The following HACD2 variants were observed in gnomAD, a reference collection of about 807,000 sequenced individuals.
The protein encoded by HACD2 is very-long-chain (3R)-3-hydroxyacyl-CoA dehydratase 2.
Under a neutral mutation model 31.0 loss-of-function variants are expected in HACD2, and 15 were observed. The observed-to-expected ratio is 0.48, with a 90% CI of 0.32 to 0.75. The LOEUF is 0.75. Ranked by LOEUF, HACD2 falls within the 30% of genes least tolerant of loss-of-function variation. The pLI is 0.03. For missense variants in HACD2, 283 were observed against 313.0 expected (o/e 0.90, Z 0.72); for synonymous variants, 115 against 122.2 (o/e 0.94, Z 0.39).
chr3:123,545,133 C>T (rs1279620527), intron 3 of HACD2, among the ~76,000 whole-genome samples: 1 of 141,058 alleles, frequency 7.1e-6, no homozygotes, highest in East Asian at 2.0e-4. Flanking sequence ...TACTTTGGTA[C>T]TAGCTGTTTT....
At chr3:123,576,377 T>C (rs532868727) in intron 2 of HACD2, among the ~76,000 whole-genome samples, 2 of 152,316 alleles carry the variant, frequency 1.3e-5, no homozygotes, top group Admixed American at 6.5e-5. Flanking sequence ...GGTGGGTTCC[T>C]GTTTCCTTCC....
intron 3 of HACD2, among the ~76,000 whole-genome samples, chr3:123,542,146 C>A (rs1233037681): frequency 3.3e-3 from 135 of 41,086 alleles, no homozygotes; most frequent in African/African-American, 0.016. Context: ...GACTCCGTCT[C>A]AAAAAAAAAA....
Position 123,493,006 on chromosome 3 carries a change from C to T in HACD2, c.*1882G>A, listed in dbSNP as rs190393832. On this transcript the variant is annotated 3_prime_UTR_variant, in exon 7 of 7. Transcript: ENST00000383657. The stretch of plus-strand genomic sequence containing the variant: ...TGTTCAATTCAAAAATAATTTATTA[C>T]ACACCTGCCTGCATTAAATTTTCAA... 14 of 152,328 alleles carry T rather than the reference C, an allele frequency of 9.2e-5. No individual in the cohort carries two copies. In the East Asian group the frequency reaches 1.9e-3, roughly 21 times the overall value. 9.4% of individuals were successfully genotyped at this position (152,328 alleles called of 1,614,324 possible).
intron 6 of HACD2, among the ~76,000 whole-genome samples, chr3:123,499,963 T>C (rs781186571): frequency 2.3e-4 from 35 of 152,170 alleles, no homozygotes; most frequent in Non-Finnish European, 3.8e-4. Flanking sequence ...ATTAAAATAA[T>C]TGGAAACCAT....
intron 2 of HACD2, among the ~76,000 whole-genome samples, chr3:123,572,311 G>A (rs1576240611): frequency 6.6e-6 from 1 of 152,124 alleles, no homozygotes; most frequent in Non-Finnish European, 1.5e-5. Flanking sequence ...TTCAAGACCA[G>A]CCTGCGCAAC....
At chr3:123,503,697 T>C (rs2055936153) in intron 4 of HACD2, among the ~76,000 whole-genome samples, 2 of 140,756 alleles carry the variant, frequency 1.4e-5, no homozygotes, top group Admixed American at 1.5e-4. Flanking sequence ...TTTATATTAG[T>C]TTCCATGCAT....
At chr3:123,548,151 C>T (rs1310147971) in intron 3 of HACD2, among the ~76,000 whole-genome samples, 1 of 152,064 alleles carries the variant, frequency 6.6e-6, no homozygotes, top group Non-Finnish European at 1.5e-5. Flanking sequence ...GAGCCTAATT[C>T]TCTGCTAGGG....
At chr3:123,549,299 G>A (rs1038484761) in intron 3 of HACD2, among the ~76,000 whole-genome samples, 4 of 151,994 alleles carry the variant, frequency 2.6e-5, no homozygotes, top group Admixed American at 6.6e-5. Flanking sequence ...CTGAGCAGCC[G>A]TCATTAACAG....
At chr3:123,555,937 G>A (rs766390656) in intron 3 of HACD2, among the ~76,000 whole-genome samples, 5 of 152,264 alleles carry the variant, frequency 3.3e-5, no homozygotes, top group Non-Finnish European at 5.9e-5. Flanking sequence ...TAAAGACAAC[G>A]CAATGGAGAA....
rs558406885 is a variant in HACD2 at position 123,560,984 on chromosome 3, G to A, written c.292+6778C>T. Among the ~76,000 whole-genome samples, 13 of 152,246 alleles carry A rather than the reference G, an allele frequency of 8.5e-5. No homozygotes were observed. In the South Asian group the frequency reaches 2.7e-3, roughly 32 times the overall value. Reference sequence around the variant, plus strand: ...CAGAGTTCTCTTCTGCTAAAATTTGGTGGGTTCTGTGTCTGGTTTTAAAAA... The same window carrying A: ...CAGAGTTCTCTTCTGCTAAAATTTGATGGGTTCTGTGTCTGGTTTTAAAAA... On this transcript the variant is annotated intron_variant, in intron 3 of 6. Coordinates refer to ENST00000383657, the MANE Select transcript of HACD2 (RefSeq NM_198402.5).
In HACD2 at chr3:123,508,641, A is replaced by C. The variant is rs140037460; in HGVS notation, c.382-5960T>G. Among the ~76,000 whole-genome samples, 147 of 152,338 alleles carry C rather than the reference A, an allele frequency of 9.6e-4. 2 individuals carry two copies. The East Asian group carries it at 0.017, about 17-fold the overall frequency. ...AAGAAATTCCCTGACCAAGCTTTAC[A>C]GCAAGCATTCTTTCCTCTTCTTAAA... is the stretch of plus-strand genomic sequence containing the variant. On this transcript the variant is annotated intron_variant, in intron 4 of 6. Transcript: ENST00000383657.
Position 123,502,687 on chromosome 3 carries a change from G to C in HACD2, c.382-6C>G. 1 of 1,594,422 alleles carries C rather than the reference G, an allele frequency of 6.3e-7. No individual in the cohort carries two copies. The highest frequency in any genetic ancestry group is 1.1e-5 in the South Asian group (1 of 87,662). On this transcript the variant is annotated splice_polypyrimidine_tract_variant and splice_region_variant and intron_variant, in intron 4 of 6. Transcript: ENST00000383657. ...ACACTGTCTTCACTCTGTACCTGAA[G>C]GAAGAGGAAAACAAAAGAAAAAAAA...
At chr3:123,514,861 T>C (rs1017096002) in intron 4 of HACD2, among the ~76,000 whole-genome samples, 3 of 152,230 alleles carry the variant, frequency 2.0e-5, no homozygotes, top group East Asian at 1.9e-4. Flanking sequence ...AAAGTAATTA[T>C]GCATAAATTT....
intron 3 of HACD2, among the ~76,000 whole-genome samples, chr3:123,566,796 C>G (rs780020369): frequency 3.3e-5 from 5 of 152,216 alleles, no homozygotes; most frequent in Non-Finnish European, 5.9e-5. Flanking sequence ...ACTCAGGAGG[C>G]TGAGCTATGA....
At chr3:123,530,312 C>T (rs181564378) in intron 3 of HACD2, among the ~76,000 whole-genome samples, 50 of 151,904 alleles carry the variant, frequency 3.3e-4, no homozygotes, top group African/African-American at 1.1e-3. Flanking sequence ...GTACATGACG[C>T]CATCATATCT....
chr3:123,512,030 T>C (rs2056070006), intron 4 of HACD2, among the ~76,000 whole-genome samples: 1 of 152,198 alleles, frequency 6.6e-6, no homozygotes, highest in Non-Finnish European at 1.5e-5. Context: ...CCTCACCAGA[T>C]GCAGGTGCTG....
intron 2 of HACD2, among the ~76,000 whole-genome samples, chr3:123,580,660 G>A (rs2056955738): frequency 6.6e-6 from 1 of 151,652 alleles, no homozygotes; most frequent in Non-Finnish European, 1.5e-5. Context: ...GTGCAAGCCT[G>A]TGGGCCCAGC....
At position 123,499,857 on chromosome 3, in the gene HACD2, C is replaced by T. The variant is rs551903471; in HGVS notation, c.682+658G>A. Among the ~76,000 whole-genome samples, 299 of 152,144 alleles carry T rather than the reference C, an allele frequency of 2.0e-3. 1 individual carries two copies. The highest frequency in any genetic ancestry group is 3.6e-3 in the Non-Finnish European group (247 of 68,024). On this transcript the variant is annotated intron_variant, in intron 6 of 6. Transcript: ENST00000383657. ...CTCCTCATCCTCAGAAAGTAGGGCT[C>T]ACTTCACAGAGACATCAAACATGTC... is the stretch of plus-strand genomic sequence containing the variant.
At chr3:123,528,057 G>A (rs1035041306) in intron 4 of HACD2, among the ~76,000 whole-genome samples, 47 of 152,158 alleles carry the variant, frequency 3.1e-4, no homozygotes, top group African/African-American at 1.0e-3. Flanking sequence ...TCAGGAGTTC[G>A]AGAGCGGCCT....
Sources: gnomAD v4.1 joint callset for allele counts (sites outside exome capture counted in the v4.1 genomes callset) on GRCh38, gnomAD v4.1.1 for gene constraint, MANE v1.5 for transcripts, NCBI Gene and HGNC (gene_info 2026-07-23, HGNC 2026-07-21) for gene names.